Variants in ATP11A observed in about 807,000 individuals in gnomAD.
ATP11A encodes the protein ATPase phospholipid transporting 11A.
A neutral mutation model predicts 154.4 loss-of-function variants in ATP11A; 81 were observed. That is an observed-to-expected ratio of 0.52 (90% confidence interval 0.44 to 0.63). The LOEUF (loss-of-function observed/expected upper bound fraction) is 0.63. Among genes scored for constraint, ATP11A ranks in the 30% least tolerant of loss-of-function variants. The pLI is 0.00. For synonymous variants in ATP11A, 623 were observed against 585.9 expected (o/e 1.06, Z -0.91); for missense variants, 1,316 against 1,474.3 (o/e 0.89, Z 1.76).
chr13:112,697,229 T>A lies in ATP11A; in HGVS notation c.39+6774T>A, dbSNP rs141867687. 6.6e-6 allele frequency among the ~76,000 whole-genome samples: 1 copy of A among 152,164 alleles called. No individual in the cohort carries two copies. The highest frequency in any genetic ancestry group is 1.5e-5 in the Non-Finnish European group (1 of 68,012). On this transcript the variant is annotated intron_variant, in intron 1 of 29. Transcript: ENST00000375645. The surrounding 1 kb of genome is among the most constrained non-coding windows in gnomAD (Gnocchi z 4.0). ...GCCTCTGCCTTCCCCAGGGCCACGG[T>A]GGGCTCCTAGTGGCCTTTCTTCCCT...
Position 112,857,740 on chromosome 13 carries a change from T to G in ATP11A, c.2419-78T>G. 2 of 1,182,592 alleles carry G rather than the reference T, an allele frequency of 1.7e-6. 1 individual carries two copies. The highest frequency in any genetic ancestry group is 2.6e-5 in the South Asian group (2 of 76,816). The allele number at this position is 1,182,592 out of a possible 1,614,324, so 73.3% of individuals were successfully genotyped here. On this transcript the variant is annotated intron_variant, in intron 20 of 29. Transcript: ENST00000375645. ...TGCCTAGGCTAACTTTTCATCTTTGTTATTTCTGCCTAGTGAATGAATAAC... is the reference window on the plus strand; with the variant it reads ...TGCCTAGGCTAACTTTTCATCTTTGGTATTTCTGCCTAGTGAATGAATAAC...
At chr13:112,789,054 C>T (rs974938000) in intron 2 of ATP11A, among the ~76,000 whole-genome samples, 1 of 151,706 alleles carries the variant, frequency 6.6e-6, no homozygotes, top group Admixed American at 6.6e-5. Flanking sequence ...TCATTTACAC[C>T]AGGTGTCCTG....
At chr13:112,830,379 A>G (rs2079053270) in intron 12 of ATP11A, among the ~76,000 whole-genome samples, 1 of 152,190 alleles carries the variant, frequency 6.6e-6, no homozygotes, top group African/African-American at 2.4e-5. Flanking sequence ...TTTCAAGACC[A>G]GCCTGGCCAA....
intron 12 of ATP11A, among the ~76,000 whole-genome samples, chr13:112,830,656 G>A (rs1329732490): frequency 1.3e-5 from 2 of 152,208 alleles, no homozygotes; most frequent in African/African-American, 4.8e-5. Flanking sequence ...TGTATAAGAA[G>A]GGTACACAGG....
At position 112,826,908 on chromosome 13, in the gene ATP11A, T is replaced by G. The variant is rs745964322; in HGVS notation, c.1221+17T>G. The G allele has an allele frequency of 1.9e-6, 3 of 1,613,750 alleles. No homozygotes were observed. Among genetic ancestry groups the G allele is most frequent in the Non-Finnish European group, 1.7e-6 (2 of 1,179,700 alleles). ...CTGGGACAGGTTGGTGTCTCCTGAG[T>G]CATCTGCTGTGATTTATTAACATCT... On this transcript the variant is annotated intron_variant, in intron 12 of 29. Coordinates refer to ENST00000375645, the MANE Select transcript of ATP11A (RefSeq NM_015205.3).
chr13:112,825,511 G>T lies in ATP11A; in HGVS notation c.954G>T (p.Trp318Cys). 1 of 1,613,954 alleles carries T rather than the reference G, an allele frequency of 6.2e-7. No homozygotes were observed. ...TAAACACTGTGCTGAAATACATGTG[G>T]CAGAGTGAGCCCTTTCGGGATGAGC... is the stretch of plus-strand genomic sequence containing the variant. Reference protein sequence around the residue: ...ALINTVLKYMWQSEPFRDEPW... With the variant: ...ALINTVLKYMCQSEPFRDEPW... Residue 318 changes from tryptophan to cysteine, a missense_variant, in exon 11 of 30, where the codon TGG (tryptophan) becomes TGT (cysteine). Trp to Cys is a radical substitution (Grantham distance 215). Transcript: ENST00000375645.
chr13:112,845,914 G>A lies in ATP11A; in HGVS notation c.1809+3535G>A, dbSNP rs1002728793. Among the ~76,000 whole-genome samples the A allele has an allele frequency of 2.6e-4, 39 of 152,268 alleles. 1 individual carries two copies. Among genetic ancestry groups the A allele is most frequent in the African/African-American group, 7.5e-4 (31 of 41,516 alleles). On this transcript the variant is annotated intron_variant, in intron 17 of 29. Coordinates refer to ENST00000375645, the MANE Select transcript of ATP11A (RefSeq NM_015205.3). ...CACTCGCAGTGCTAGTTCTTTCTAC[G>A]GATGGACCAGTTTCTTGATTCTTCC... is the stretch of plus-strand genomic sequence containing the variant.
At chr13:112,724,489 G>T (rs180864434) in intron 1 of ATP11A, among the ~76,000 whole-genome samples, 2 of 131,850 alleles carry the variant, frequency 1.5e-5, no homozygotes, top group African/African-American at 3.5e-5. Flanking sequence ...GAGCTGTCAC[G>T]TGGCCCTCCT....
intron 20 of ATP11A, among the ~76,000 whole-genome samples, chr13:112,857,477 C>T (rs905257229): frequency 6.6e-6 from 1 of 152,226 alleles, no homozygotes; most frequent in Non-Finnish European, 1.5e-5. Context: ...CCAGGATTTA[C>T]ACACTTTTCC....
At chr13:112,760,546 A>T (rs965552524) in intron 1 of ATP11A, among the ~76,000 whole-genome samples, 3 of 152,146 alleles carry the variant, frequency 2.0e-5, no homozygotes, top group Non-Finnish European at 4.4e-5. Context: ...AAAAGATTTG[A>T]TCTCAATGTA....
Position 112,857,825 on chromosome 13 carries a change from A to C in ATP11A, c.2426A>C (p.Lys809Thr). The change falls in exon 21 of 30, where the codon AAA (lysine) becomes ACA (threonine). Residue 809 changes from lysine (K) to threonine (T), a missense_variant. Physicochemically the swap from Lys to Thr is moderately conservative, Grantham distance 78. Transcript: ENST00000375645. ...CATTTCTTTCTTTTGCAGATTGTTA[A>C]ATTAATCAAATTTTCAAAAGAGCAC... ...MAPLQKAQIV[K>T]LIKFSKEHPI... is the part of the protein sequence containing the mutation. 2 of 1,613,358 alleles carry C rather than the reference A, an allele frequency of 1.2e-6. No homozygotes were observed. Among genetic ancestry groups the C allele is most frequent in the Non-Finnish European group, 1.7e-6 (2 of 1,179,276 alleles).
At chr13:112,698,013 C>G (rs1207574804) in intron 1 of ATP11A, among the ~76,000 whole-genome samples, 1 of 152,190 alleles carries the variant, frequency 6.6e-6, no homozygotes, top group Non-Finnish European at 1.5e-5. Flanking sequence ...CTCAAGGGAG[C>G]CCCTGCCCCT....
chr13:112,727,361 G>A (rs1889994291), intron 1 of ATP11A, among the ~76,000 whole-genome samples: 1 of 152,178 alleles, frequency 6.6e-6, no homozygotes, highest in Non-Finnish European at 1.5e-5. Context: ...GCTGTTTCTA[G>A]TGATAACTTG....
At chr13:112,795,765 T>C (rs1039804510) in intron 2 of ATP11A, among the ~76,000 whole-genome samples, 2 of 152,250 alleles carry the variant, frequency 1.3e-5, no homozygotes, top group Admixed American at 1.3e-4. Flanking sequence ...ACTGACTTTT[T>C]CATTGTGGCC....
intron 1 of ATP11A, among the ~76,000 whole-genome samples, chr13:112,695,311 C>T (rs1051903456): frequency 2.6e-5 from 4 of 152,202 alleles, no homozygotes; most frequent in African/African-American, 2.4e-5. Context: ...AGTACAGACT[C>T]GTAAAGTGTT....
At chr13:112,768,211 A>C (rs1466776222) in intron 1 of ATP11A, among the ~76,000 whole-genome samples, 1 of 152,174 alleles carries the variant, frequency 6.6e-6, no homozygotes, top group African/African-American at 2.4e-5. Context: ...CCCTGTGATG[A>C]GCTACATGGG....
intron 1 of ATP11A, among the ~76,000 whole-genome samples, chr13:112,770,880 A>G (rs1362013346): frequency 6.6e-6 from 1 of 152,184 alleles, no homozygotes; most frequent in Non-Finnish European, 1.5e-5. Flanking sequence ...GAAGCTATAC[A>G]CGGACGGCAG....
intron 1 of ATP11A, among the ~76,000 whole-genome samples, chr13:112,710,079 A>G (rs1887568592): frequency 6.6e-6 from 1 of 152,164 alleles, no homozygotes; most frequent in Non-Finnish European, 1.5e-5. Flanking sequence ...GAACTGCGTG[A>G]CACCCGGGTG....
rs544313601 is a variant in ATP11A at position 112,849,892 on chromosome 13, A to G, written c.1810-1145A>G. ...TGCTACTTTCCTCTGAGACGGGTCCACTGGCTTCTCACTTATTCTTGACCA... is the reference window on the plus strand; with the variant it reads ...TGCTACTTTCCTCTGAGACGGGTCCGCTGGCTTCTCACTTATTCTTGACCA... On this transcript the variant is annotated intron_variant, in intron 17 of 29. Transcript: ENST00000375645. Among the ~76,000 whole-genome samples the G allele has an allele frequency of 1.7e-4, 26 of 152,344 alleles. No homozygotes were observed. In the South Asian group the frequency reaches 4.8e-3, roughly 28 times the overall value.
Sources: gnomAD v4.1 joint callset for allele counts (sites outside exome capture counted in the v4.1 genomes callset) on GRCh38, gnomAD v4.1.1 for gene constraint, Gnocchi (gnomAD v3.1) non-coding constraint, MANE v1.5 for transcripts, NCBI Gene and HGNC (gene_info 2026-07-23, HGNC 2026-07-21) for gene names.